Variants in LRP2 observed in about 807,000 individuals in gnomAD.
LRP2 encodes the protein low-density lipoprotein receptor-related protein 2.
Under a neutral mutation model 531.0 loss-of-function variants are expected in LRP2, and 172 were observed. The observed-to-expected ratio is 0.32, with a 90% CI of 0.29 to 0.37. LRP2 has a LOEUF of 0.37. Ranked by LOEUF, LRP2 falls within the 10% of genes least tolerant of loss-of-function variation. The probability of loss-of-function intolerance (pLI) is 1.00; values close to 1 mark genes in which losing one functional copy is unlikely to be tolerated. For synonymous variants in LRP2, 1,992 were observed against 2,027.6 expected (o/e 0.98, Z 0.47); for missense variants, 5,167 against 5,868.3 (o/e 0.88, Z 3.90).
At chr2:169,202,719 A>T (rs1688242768) in intron 43 of LRP2, 37 bp downstream of exon 43, 2 of 1,602,794 alleles carry the variant, frequency 1.2e-6, no homozygotes, top group East Asian at 4.5e-5. Flanking sequence ...TCAAGATGCC[A>T]TTAGCTCCTA....
Position 169,247,577 on chromosome 2 carries a change from T to G in LRP2, c.2771-62A>C. The G allele has an allele frequency of 3.8e-6, 6 of 1,569,874 alleles. No individual in the cohort carries two copies. In the South Asian group the frequency reaches 6.7e-5, roughly 17 times the overall value. On this transcript the variant is annotated intron_variant, in intron 19 of 78. Coordinates refer to ENST00000649046, the MANE Select transcript of LRP2 (RefSeq NM_004525.3). ...ACAGCTAACTTATAAATAAATCACT[T>G]GAGAAAATGCAATAGGCTTGAAATG...
intron 1 of LRP2, among the ~76,000 whole-genome samples, chr2:169,353,629 G>T (rs996966933): frequency 2.6e-5 from 4 of 152,160 alleles, no homozygotes; most frequent in Non-Finnish European, 5.9e-5. Flanking sequence ...TAAAATGTGG[G>T]TAGGATTGCC....
chr2:169,128,702 T>C lies in LRP2; in HGVS notation c.13929A>G (p.Lys4643=). 2 of 1,614,158 alleles carry C rather than the reference T, an allele frequency of 1.2e-6. No homozygotes were observed. Among genetic ancestry groups the C allele is most frequent in the African/African-American group, 1.3e-5 (1 of 75,050 alleles). The change falls in exon 79 of 79, where the codon AAA becomes AAG. Residue 4643 remains lysine (K), a synonymous_variant. Coordinates refer to ENST00000649046, the MANE Select transcript of LRP2 (RefSeq NM_004525.3). ...PTYSATEDTF[K]DTANLVKEDS... ...CTTCTTTAACAAGATTTGCGGTGTC[T>C]TTAAAAGTGTCTTCTGTTGCAGAAT...
intron 9 of LRP2, among the ~76,000 whole-genome samples, chr2:169,284,547 G>A (rs558403771): frequency 1.8e-4 from 28 of 152,098 alleles, no homozygotes; most frequent in African/African-American, 5.1e-4. Flanking sequence ...GACTGCAGGC[G>A]TAAGCCACCG....
intron 19 of LRP2, among the ~76,000 whole-genome samples, chr2:169,254,593 T>C (rs1337059939): frequency 1.2e-5 from 1 of 80,506 alleles, no homozygotes; most frequent in Non-Finnish European, 2.4e-5. Context: ...TGTATACATA[T>C]GTAACTAACC....
At chr2:169,264,995 C>A (rs898560459) in intron 16 of LRP2, among the ~76,000 whole-genome samples, 4 of 152,040 alleles carry the variant, frequency 2.6e-5, no homozygotes, top group African/African-American at 9.7e-5. Flanking sequence ...CCTCAGCTCC[C>A]TTTCCTCTGC....
At chr2:169,285,392 A>G (rs1254523515) in intron 9 of LRP2, among the ~76,000 whole-genome samples, 2 of 152,190 alleles carry the variant, frequency 1.3e-5, no homozygotes, top group Non-Finnish European at 2.9e-5. Flanking sequence ...AAGGTTAATT[A>G]ACATCCATCA....
In LRP2 at chr2:169,175,376, A is replaced by C. The variant is rs1302701246; in HGVS notation, c.10585T>G (p.Trp3529Gly). ...CANNEKCIPI[W>G]WKCDGQKDCS... Reference sequence around the variant, plus strand: ...TCTTTCTGTCCATCACATTTCCACCAGATAGGAATGCACCTGCACAGAGAA... The same window carrying C: ...TCTTTCTGTCCATCACATTTCCACCCGATAGGAATGCACCTGCACAGAGAA... The change falls in exon 55 of 79, where the codon TGG (tryptophan) becomes GGG (glycine). Residue 3529 changes from tryptophan to glycine, a missense_variant. By Grantham distance (184) the Trp-to-Gly change is radical. Coordinates refer to ENST00000649046, the MANE Select transcript of LRP2 (RefSeq NM_004525.3). 6.2e-7 allele frequency: 1 copy of C among 1,614,008 alleles called. No individual in the cohort carries two copies. Among genetic ancestry groups the C allele is most frequent in the African/African-American group, 1.3e-5 (1 of 74,922 alleles).
intron 59 of LRP2, 36 bp from the exon 60 acceptor site, chr2:169,169,854 G>T: frequency 7.2e-7 from 1 of 1,391,636 alleles, no homozygotes; most frequent in Non-Finnish European, 1.0e-6. Context: ...AGAAGGCCTT[G>T]TCATTTTCAG....
intron 1 of LRP2, among the ~76,000 whole-genome samples, chr2:169,344,332 A>G (rs1480966291): frequency 1.4e-5 from 2 of 144,378 alleles, no homozygotes; most frequent in African/African-American, 2.6e-5. Flanking sequence ...ATGTGTTCTC[A>G]TTGTTCAACT....
chr2:169,157,898 G>A (rs1390409924), intron 63 of LRP2, among the ~76,000 whole-genome samples: 4 of 140,984 alleles, frequency 2.8e-5, no homozygotes, highest in African/African-American at 5.3e-5. Flanking sequence ...ATGATAGATC[G>A]ATAGATAGAT....
intron 55 of LRP2, among the ~76,000 whole-genome samples, chr2:169,174,914 T>G (rs558142626): frequency 6.6e-6 from 1 of 150,972 alleles, no homozygotes; most frequent in Non-Finnish European, 1.5e-5. Context: ...TCCTCAATGT[T>G]AGCTCTCAAA....
chr2:169,261,266 G>C (rs949848325), intron 16 of LRP2, among the ~76,000 whole-genome samples: 1 of 152,054 alleles, frequency 6.6e-6, no homozygotes, highest in African/African-American at 2.4e-5. Flanking sequence ...TTGGAAAAAA[G>C]AAGGTATCAT....
intron 1 of LRP2, among the ~76,000 whole-genome samples, chr2:169,333,919 A>T (rs1302109197): frequency 6.6e-6 from 1 of 152,172 alleles, no homozygotes; most frequent in Non-Finnish European, 1.5e-5. Flanking sequence ...TTCACGTTAT[A>T]ATGTGATTGT....
chr2:169,193,938 T>TC, intron 46 of LRP2, 46 bp from the exon 47 acceptor site: 1 of 1,612,830 alleles, frequency 6.2e-7, no homozygotes. Context: ...TGGTTTACAG[T>TC]CCAGGAATCT....
rs377230313 is a variant in LRP2 at position 169,129,051 on chromosome 2, T to C, written c.13762A>G (p.Lys4588Glu). The change falls in exon 78 of 79, where the codon AAA becomes GAA. Residue 4588 changes from lysine to glutamate, a missense_variant. Lys to Glu is a moderately conservative substitution (Grantham distance 56). Coordinates refer to ENST00000649046, the MANE Select transcript of LRP2 (RefSeq NM_004525.3). ...TKWNLFKRKS[K>E]QTTNFENPIY... ...GGATTTTCAAAGTTGGTAGTTTGTT[T>C]AGATTTTCGTTTGAAGAGATTCCAT... The C allele has an allele frequency of 1.7e-5, 28 of 1,612,492 alleles. No individual in the cohort carries two copies. The South Asian group carries it at 2.7e-4, about 16-fold the overall frequency.
intron 19 of LRP2, among the ~76,000 whole-genome samples, chr2:169,251,923 T>C (rs970299646): frequency 2.8e-5 from 1 of 36,066 alleles, no homozygotes; most frequent in Non-Finnish European, 4.5e-5. Flanking sequence ...ACATACACTC[T>C]CCCAAGACTA....
At chr2:169,361,363 TCTCTCTCTCTCTCC>T (rs1447221929) in intron 1 of LRP2, among the ~76,000 whole-genome samples, 2,459 of 130,602 alleles carry the variant, frequency 0.019, 40 homozygotes, top group African/African-American at 0.038. Flanking sequence ...TCTCTCTCTC[TCTCTCTCTCTCTCC>T]CTCTCTCTCT....
chr2:169,312,990 C>T (rs1001955672), intron 3 of LRP2, among the ~76,000 whole-genome samples: 16 of 152,126 alleles, frequency 1.1e-4, no homozygotes, highest in Non-Finnish European at 7.3e-5. Context: ...TCCAGTTGAT[C>T]GAAACGGCTA....
Sources: gnomAD v4.1 joint callset for allele counts (sites outside exome capture counted in the v4.1 genomes callset) on GRCh38, gnomAD v4.1.1 for gene constraint, MANE v1.5 for transcripts, NCBI Gene and HGNC (gene_info 2026-07-23, HGNC 2026-07-21) for gene names.